EFR3B: variants seen among roughly 807,000 people sequenced by gnomAD.
EFR3B encodes the protein EFR3 homolog B, also known as protein EFR3 homolog B.
EFR3B carries 64 observed loss-of-function variants against 104.7 expected under a neutral mutation model. The observed-to-expected ratio is 0.61, with a 90% CI of 0.50 to 0.75. The LOEUF is 0.75. Among genes scored for constraint, EFR3B ranks in the 30% least tolerant of loss-of-function variants. EFR3B has a pLI of 0.00. For synonymous variants in EFR3B, 385 were observed against 417.9 expected (o/e 0.92, Z 0.96); for missense variants, 750 against 1,078.5 (o/e 0.70, Z 4.27).
chr2:25,080,059 G>A (rs148611788), intron 1 of EFR3B: 69 of 879,102 alleles, frequency 7.8e-5, no homozygotes, highest in Middle Eastern at 2.3e-4. Context: ...TCATCAACTC[G>A]TGTACCTTGT....
At chr2:25,124,738 C>CAAA (rs34181444) in intron 5 of EFR3B, among the ~76,000 whole-genome samples, 7 of 41,794 alleles carry the variant, frequency 1.7e-4, no homozygotes, top group East Asian at 8.8e-4. Context: ...GACTCTGTCT[C>CAAA]AAAAAAAAAA....
rs1447465040 is a variant in EFR3B, at chr2:25,154,739, CT to C, written c.*400del. 1.8e-5 allele frequency: 3 copies of C among 171,020 alleles called. No homozygotes were observed. Among genetic ancestry groups the C allele is most frequent in the African/African-American group, 7.1e-5 (3 of 42,024 alleles). 10.6% of individuals were successfully genotyped at this position (171,020 alleles called of 1,614,324 possible). A position where few individuals can be genotyped will look rare whatever the true frequency, so the allele number is the denominator to read the frequency against. On this transcript the variant is annotated 3_prime_UTR_variant, in exon 23 of 23. Coordinates refer to ENST00000403714, the MANE Select transcript of EFR3B (RefSeq NM_014971.2). This position sits in a 1 kb window ranked among gnomAD's most constrained non-coding sequence, Gnocchi z 4.1. ...TTGGTTGGTGAGAGGAAGCTAAGGA[CT>C]CTACTCCCCTGGGGAAGGAAGCTGA... is the stretch of plus-strand genomic sequence containing the variant.
chr2:25,093,329 AC>A (rs1233086912), intron 3 of EFR3B, among the ~76,000 whole-genome samples, 199 bp downstream of exon 3: 1 of 152,110 alleles, frequency 6.6e-6, no homozygotes, highest in Non-Finnish European at 1.5e-5. Flanking sequence ...TTCCATCTCT[AC>A]AAAAAATTTA....
At position 25,118,726 on chromosome 2, in the gene EFR3B, CAAAAAAAAAAAAAAAA is replaced by C. The variant is rs869026900; in HGVS notation, c.364-2930_364-2915del. Among the ~76,000 whole-genome samples the C allele has an allele frequency of 5.9e-3, 199 of 33,556 alleles. 4 individuals carry two copies. Among genetic ancestry groups the C allele is most frequent in the Admixed American group, 4.9e-3 (8 of 1,640 alleles). The allele number at this position is 33,556 out of a possible 152,430, so 22.0% of individuals were successfully genotyped here. Reference sequence around the variant, plus strand: ...ACAACACAATGAGACCCTGTCTCTACAAAAAAAAAAAAAAAAAAAAAAAAAAAAAAAAGGCAGGGCG... The same window carrying C: ...ACAACACAATGAGACCCTGTCTCTACAAAAAAAAAAAAAAAAGGCAGGGCG... On this transcript the variant is annotated intron_variant, in intron 4 of 22. Transcript: ENST00000403714.
chr2:25,072,255 A>G (rs781362345), intron 1 of EFR3B, among the ~76,000 whole-genome samples: 1 of 120,838 alleles, frequency 8.3e-6, no homozygotes, highest in Non-Finnish European at 1.7e-5. Flanking sequence ...TTTCCCCACC[A>G]CCCTGGCTCC....
intron 5 of EFR3B, among the ~76,000 whole-genome samples, chr2:25,124,134 C>G (rs1267713272): frequency 6.6e-6 from 1 of 152,156 alleles, no homozygotes; most frequent in Non-Finnish European, 1.5e-5. Flanking sequence ...CCTTTTTAGA[C>G]TCAGCTGACC....
intron 19 of EFR3B, chr2:25,146,544 T>C (rs1670821677): frequency 6.6e-6 from 1 of 152,224 alleles, no homozygotes; most frequent in Admixed American, 6.5e-5. Context: ...TCTCTCCCCA[T>C]AGTGGCGATT....
At chr2:25,049,548 T>G (rs1367324712) in intron 1 of EFR3B, among the ~76,000 whole-genome samples, 1 of 152,216 alleles carries the variant, frequency 6.6e-6, no homozygotes, top group Non-Finnish European at 1.5e-5. Flanking sequence ...GTTGCACTGT[T>G]TTGCACGGTG....
At position 25,148,261 on chromosome 2, in the gene EFR3B, T is replaced by TA. The variant is rs1318747646; in HGVS notation, c.2143-1419dup. Among the ~76,000 whole-genome samples, 469 of 139,734 alleles carry TA rather than the reference T, an allele frequency of 3.4e-3. 1 individual carries two copies. The highest frequency in any genetic ancestry group is 7.7e-3 in the South Asian group (33 of 4,286). The allele number at this position is 139,734 out of a possible 152,430, so 91.7% of individuals were successfully genotyped here. A position where few individuals can be genotyped will look rare whatever the true frequency, so the allele number is the denominator to read the frequency against. ...GGGGAGGGCCGGTCACTTCTTTTTTTAAAAAAAAAAAAAACAGAGTCTCCC... is the reference window on the plus strand; with the variant it reads ...GGGGAGGGCCGGTCACTTCTTTTTTTAAAAAAAAAAAAAAACAGAGTCTCCC... On this transcript the variant is annotated intron_variant, in intron 19 of 22. Transcript: ENST00000403714.
chr2:25,091,063 A>G (rs1384669520), intron 1 of EFR3B, among the ~76,000 whole-genome samples: 4 of 152,178 alleles, frequency 2.6e-5, no homozygotes, highest in Admixed American at 6.5e-5. Context: ...CTGGCCTTGC[A>G]TATGGCACTG....
intron 1 of EFR3B, among the ~76,000 whole-genome samples, chr2:25,049,834 G>C (rs778156038): frequency 6.6e-6 from 1 of 152,078 alleles, no homozygotes; most frequent in East Asian, 1.9e-4. Context: ...AAGGAGATAG[G>C]CTGGTCGCGG....
At chr2:25,111,424 C>G (rs976462272) in intron 4 of EFR3B, among the ~76,000 whole-genome samples, 1 of 151,756 alleles carries the variant, frequency 6.6e-6, no homozygotes. Flanking sequence ...TCCCTGGGAT[C>G]CCACCCTTGT....
chr2:25,063,440 G>A (rs1166346773), intron 1 of EFR3B, among the ~76,000 whole-genome samples: 1 of 152,166 alleles, frequency 6.6e-6, no homozygotes, highest in Non-Finnish European at 1.5e-5. Context: ...ATGGCACACT[G>A]AAATGGATTA....
intron 1 of EFR3B, among the ~76,000 whole-genome samples, chr2:25,058,951 C>A (rs1291531432): frequency 1.3e-5 from 2 of 152,018 alleles, no homozygotes; most frequent in South Asian, 2.1e-4. Context: ...TAGACATAAA[C>A]CCCAAAGAAA....
In EFR3B at chr2:25,137,359, A is replaced by C; in HGVS notation, c.1579A>C (p.Arg527=). The change falls in exon 15 of 23, where the codon AGA becomes CGA. Residue 527 remains arginine, a synonymous_variant. Transcript: ENST00000403714. This position sits in a 1 kb window ranked among gnomAD's most constrained non-coding sequence, Gnocchi z 4.7. ...FMKKHSQQLY[R]HIYLSCKEET... The stretch of plus-strand genomic sequence containing the variant: ...TCCCCAGCACTCCCAGCAGCTCTAC[A>C]GACACATCTACCTGAGCTGCAAGGA... The C allele has an allele frequency of 6.4e-7, 1 of 1,552,110 alleles. No individual in the cohort carries two copies. The highest frequency in any genetic ancestry group is 8.7e-7 in the Non-Finnish European group (1 of 1,147,118).
Position 25,143,619 on chromosome 2 carries a change from C to G in EFR3B, c.1923-116C>G, listed in dbSNP as rs180972685. 105 of 1,310,740 alleles carry G rather than the reference C, an allele frequency of 8.0e-5. 2 individuals carry two copies. In the African/African-American group the frequency reaches 1.1e-3, roughly 14 times the overall value. 81.2% of individuals were successfully genotyped at this position (1,310,740 alleles called of 1,614,324 possible). A position where few individuals can be genotyped will look rare whatever the true frequency, so the allele number is the denominator to read the frequency against. On this transcript the variant is annotated intron_variant, in intron 17 of 22. Coordinates refer to ENST00000403714, the MANE Select transcript of EFR3B (RefSeq NM_014971.2). ...AGGTTGCAATGAGCCGAGATCGCAC[C>G]ACCACACTCCAGCCTGGGCGACAAG... is the stretch of plus-strand genomic sequence containing the variant.
rs143402870 is a variant in EFR3B at position 25,149,121 on chromosome 2, C to T, written c.2143-573C>T. On this transcript the variant is annotated intron_variant, in intron 19 of 22. Transcript: ENST00000403714. ...ATCCCAGCACTTTGGGAGGCCGAGGCGGGCAGATCATGAGTTCAGGAGTTC... is the reference window on the plus strand; with the variant it reads ...ATCCCAGCACTTTGGGAGGCCGAGGTGGGCAGATCATGAGTTCAGGAGTTC... Among the ~76,000 whole-genome samples, 474 of 151,920 alleles carry T rather than the reference C, an allele frequency of 3.1e-3. 1 individual carries two copies. Among genetic ancestry groups the T allele is most frequent in the African/African-American group, 0.011 (457 of 41,418 alleles).
At chr2:25,152,441 G>A (rs1384847510) in intron 21 of EFR3B, among the ~76,000 whole-genome samples, 1 of 152,194 alleles carries the variant, frequency 6.6e-6, no homozygotes. Flanking sequence ...ATAACTCCAT[G>A]AAGTTGGTGC....
At chr2:25,063,199 C>G (rs1382749504) in intron 1 of EFR3B, among the ~76,000 whole-genome samples, 1 of 152,070 alleles carries the variant, frequency 6.6e-6, no homozygotes, top group Admixed American at 6.6e-5. Context: ...CTCAGCCTCC[C>G]GAAGTGCTGG....
Sources: allele counts gnomAD v4.1 joint callset (sites outside exome capture counted in the v4.1 genomes callset), GRCh38; gene constraint gnomAD v4.1.1; non-coding constraint Gnocchi (gnomAD v3.1); transcripts MANE v1.5; gene names NCBI Gene and HGNC (gene_info 2026-07-23, HGNC 2026-07-21).